GBF1: variants seen among roughly 807,000 people sequenced by gnomAD.
GBF1 encodes Golgi-specific brefeldin A-resistance guanine nucleotide exchange factor 1.
In GBF1, 114 loss-of-function variants were observed where a neutral mutation model predicts 210.5. That is an observed-to-expected ratio of 0.54 (90% CI 0.47 to 0.63). The LOEUF (loss-of-function observed/expected upper bound fraction) is 0.63. Ranked by LOEUF, GBF1 falls within the 30% of genes least tolerant of loss-of-function variation. The pLI, the probability that GBF1 is intolerant of heterozygous loss-of-function variation, is 0.00. For missense variants in GBF1, 1,851 were observed against 2,357.7 expected (o/e 0.79, Z 4.45); for synonymous variants, 850 against 889.2 (o/e 0.96, Z 0.78).
chr10:102,242,928 CA>C (rs58301527), upstream of GBF1, among the ~76,000 whole-genome samples: 28 of 132,422 alleles, frequency 2.1e-4, no homozygotes, highest in African/African-American at 4.0e-4. Context: ...GACTCTGTCT[CA>C]AAAAAAAAAA....
At chr10:102,261,615 CTTTTTT>C (rs10711743) in intron 3 of GBF1, among the ~76,000 whole-genome samples, 1 of 116,094 alleles carries the variant, frequency 8.6e-6, no homozygotes. Context: ...TTCTTTCTTT[CTTTTTT>C]TTTTTTTTTT....
At chr10:102,367,387 T>A in intron 20 of GBF1, 91 bp from the exon 21 acceptor site, 1 of 1,142,104 alleles carries the variant, frequency 8.8e-7, no homozygotes, top group Non-Finnish European at 1.3e-6. Flanking sequence ...GCTTACCTTT[T>A]CCTAAGTCCT....
intron 24 of GBF1, 110 bp downstream of exon 24, chr10:102,369,497 G>A (rs2060090212): frequency 2.2e-6 from 2 of 929,400 alleles, no homozygotes; most frequent in Non-Finnish European, 1.7e-6. Flanking sequence ...CCTGATGCCT[G>A]CCACAGCTCA....
chr10:102,331,510 AC>A (rs1408866810), intron 3 of GBF1, among the ~76,000 whole-genome samples: 1 of 151,888 alleles, frequency 6.6e-6, no homozygotes, highest in East Asian at 1.9e-4. Context: ...GGGGCTGGGC[AC>A]GGTGTCTCAA....
intron 30 of GBF1, among the ~76,000 whole-genome samples, chr10:102,375,804 A>G (rs1395427073): frequency 6.6e-6 from 1 of 151,866 alleles, no homozygotes; most frequent in African/African-American, 2.4e-5. Context: ...CAGGCTTCCT[A>G]CTGTCCTGAG....
intron 6 of GBF1, 104 bp downstream of exon 6, chr10:102,352,055 C>T: frequency 1.4e-6 from 1 of 735,264 alleles, no homozygotes; most frequent in Non-Finnish European, 2.5e-6. Flanking sequence ...AGGACTTCTC[C>T]ATCATCTATC....
chr10:102,331,941 C>T (rs1682549435), intron 3 of GBF1, among the ~76,000 whole-genome samples: 1 of 147,956 alleles, frequency 6.8e-6, no homozygotes, highest in African/African-American at 2.5e-5. Flanking sequence ...CTCACTGCAA[C>T]CTTTGCCTCC....
At chr10:102,316,175 C>T (rs192279286) in intron 3 of GBF1, among the ~76,000 whole-genome samples, 1 of 151,034 alleles carries the variant, frequency 6.6e-6, no homozygotes, top group African/African-American at 2.4e-5. Flanking sequence ...CAACCTCTGC[C>T]TCCTGGGTTC....
chr10:102,263,364 T>C (rs1227593106), intron 3 of GBF1, among the ~76,000 whole-genome samples: 1 of 152,120 alleles, frequency 6.6e-6, no homozygotes, highest in Non-Finnish European at 1.5e-5. Flanking sequence ...ACCACTTAGA[T>C]TGGAGGAGGG....
At chr10:102,374,954 T>G (rs2060410014) in intron 29 of GBF1, among the ~76,000 whole-genome samples, 1 of 151,906 alleles carries the variant, frequency 6.6e-6, no homozygotes, top group East Asian at 1.9e-4. Flanking sequence ...GAAGATCGCT[T>G]GAGCCTGGGA....
chr10:102,291,296 A>G (rs1285927756), intron 3 of GBF1, among the ~76,000 whole-genome samples: 1 of 152,148 alleles, frequency 6.6e-6, no homozygotes, highest in East Asian at 1.9e-4. Context: ...TGCATCAACT[A>G]GTTTATTTGC....
At chr10:102,361,974 G>A (rs2059628607) in intron 14 of GBF1, 62 bp downstream of exon 14, 5 of 943,594 alleles carry the variant, frequency 5.3e-6, no homozygotes, top group Non-Finnish European at 7.8e-6. Context: ...CTCCCTGGTG[G>A]TAGTGAGGAT....
chr10:102,356,702 G>A (rs899385263), intron 8 of GBF1, among the ~76,000 whole-genome samples: 6 of 149,576 alleles, frequency 4.0e-5, no homozygotes, highest in African/African-American at 1.5e-4. Flanking sequence ...AGGAGGCGGA[G>A]CTTGCAGTGA....
At chr10:102,370,565 A>C (rs2060150133) in intron 28 of GBF1, 87 bp downstream of exon 28, 1 of 1,312,562 alleles carries the variant, frequency 7.6e-7, no homozygotes, top group Non-Finnish European at 1.1e-6. Context: ...GCTCTGGGGA[A>C]CTGTAGGCAG....
chr10:102,232,996 C>T, the GBF1 span, among the ~76,000 whole-genome samples: 2 of 152,198 alleles, frequency 1.3e-5, no homozygotes, highest in African/African-American at 4.8e-5. Flanking sequence ...GAAACCGTAA[C>T]TTGAAGGAAC....
chr10:102,292,491 A>G (rs1419825695), intron 3 of GBF1, among the ~76,000 whole-genome samples: 2 of 151,976 alleles, frequency 1.3e-5, no homozygotes, highest in East Asian at 1.9e-4. Context: ...AGCCTCTCCA[A>G]TAGCTGGGGC....
rs373039377 is a variant in GBF1 at position 102,301,193 on chromosome 10, A to G, written c.163+41077A>G. On this transcript the variant is annotated intron_variant, in intron 3 of 39. Transcript: ENST00000369983. The stretch of plus-strand genomic sequence containing the variant: ...GGAGTGGTGATGACTCTTAATGAGC[A>G]TGCTGCCTTCAAGCATCTGTTTAAC... Among the ~76,000 whole-genome samples the G allele has an allele frequency of 1.5e-4, 23 of 152,204 alleles. No homozygotes were observed. In the East Asian group the frequency reaches 2.3e-3, roughly 15 times the overall value.
chr10:102,316,585 A>T (rs990467535), intron 3 of GBF1, among the ~76,000 whole-genome samples: 7 of 152,190 alleles, frequency 4.6e-5, no homozygotes, highest in Non-Finnish European at 2.9e-5. Context: ...CAGATATAAA[A>T]CTGTGCCACA....
upstream of GBF1, among the ~76,000 whole-genome samples, chr10:102,240,395 G>C (rs1221062584): frequency 2.6e-5 from 4 of 152,214 alleles, no homozygotes; most frequent in South Asian, 6.2e-4. Context: ...CTCACCCCAA[G>C]GCCAGGTTGT....
Sources: gnomAD v4.1 joint callset for allele counts (sites outside exome capture counted in the v4.1 genomes callset) on GRCh38, gnomAD v4.1.1 for gene constraint, MANE v1.5 for transcripts, NCBI Gene and HGNC (gene_info 2026-07-23, HGNC 2026-07-21) for gene names.